CDH4: variants seen among roughly 807,000 people sequenced by gnomAD.
CDH4 encodes the protein cadherin 4.
In CDH4, 33 loss-of-function variants were observed where a neutral mutation model predicts 86.0. The observed-to-expected ratio is 0.38, with a 90% confidence interval of 0.29 to 0.51. The LOEUF is 0.51. CDH4 is among the 20% of genes least tolerant of loss of function. The probability of loss-of-function intolerance (pLI) is 0.86; values close to 1 mark genes in which losing one functional copy is unlikely to be tolerated. For synonymous variants in CDH4, 555 were observed against 549.4 expected (o/e 1.01, Z -0.14); for missense variants, 1,114 against 1,307.4 (o/e 0.85, Z 2.28).
chr20:61,553,052 C>A (rs986117115), intron 2 of CDH4, among the ~76,000 whole-genome samples: 15 of 152,186 alleles, frequency 9.9e-5, no homozygotes, highest in Non-Finnish European at 2.2e-4. Context: ...TGTCCATCAC[C>A]TGAAAAGTAG....
At chr20:61,380,989 A>G (rs1321774324) in intron 2 of CDH4, among the ~76,000 whole-genome samples, 1 of 152,248 alleles carries the variant, frequency 6.6e-6, no homozygotes, top group Non-Finnish European at 1.5e-5. Context: ...TTTGAAAACT[A>G]CAAGCTACGC....
intron 2 of CDH4, among the ~76,000 whole-genome samples, chr20:61,358,159 C>G (rs114139378): frequency 0.015 from 2,358 of 152,248 alleles, 43 homozygotes; most frequent in African/African-American, 0.042. Flanking sequence ...TGAGCAAACC[C>G]CCGGGACGTG....
intron 2 of CDH4, among the ~76,000 whole-genome samples, chr20:61,266,965 G>A (rs1285075085): frequency 6.6e-6 from 1 of 152,186 alleles, no homozygotes; most frequent in Non-Finnish European, 1.5e-5. Context: ...CTTGACAAGA[G>A]ACAGAGAAGA....
chr20:61,762,782 A>C (rs2088651439), intron 3 of CDH4, among the ~76,000 whole-genome samples: 1 of 152,316 alleles, frequency 6.6e-6, no homozygotes, highest in South Asian at 2.1e-4. Context: ...TATCAGAGAA[A>C]TCCAGTGGCA....
chr20:61,714,577 G>A (rs1306015880), intron 2 of CDH4, among the ~76,000 whole-genome samples: 1 of 152,078 alleles, frequency 6.6e-6, no homozygotes, highest in Non-Finnish European at 1.5e-5. Context: ...CCCCTCTTCT[G>A]GGTCTTCAGT....
At chr20:61,580,521 G>A (rs73138609) in intron 2 of CDH4, among the ~76,000 whole-genome samples, 8,844 of 152,096 alleles carry the variant, frequency 0.058, 528 homozygotes, top group African/African-American at 0.15. Flanking sequence ...TGACACCTTC[G>A]TAAGTCTCTG....
chr20:61,898,294 G>A (rs367715130), intron 8 of CDH4, among the ~76,000 whole-genome samples: 30 of 152,250 alleles, frequency 2.0e-4, no homozygotes, highest in East Asian at 5.8e-4. Flanking sequence ...TGCATGATCC[G>A]ATTCTGAGTC....
intron 2 of CDH4, among the ~76,000 whole-genome samples, chr20:61,657,781 T>G (rs1350916102): frequency 1.3e-5 from 2 of 152,248 alleles, no homozygotes; most frequent in Admixed American, 6.5e-5. Context: ...TGGAGCTACA[T>G]GGGATTTGTG....
chr20:61,565,289 A>G (rs147299184), intron 2 of CDH4, among the ~76,000 whole-genome samples: 2,483 of 18,256 alleles, frequency 0.14, 510 homozygotes, highest in African/African-American at 0.21. Context: ...TGATGGGGTG[A>G]TGGTGGTGGC....
intron 2 of CDH4, among the ~76,000 whole-genome samples, chr20:61,742,677 A>T (rs1269650889): frequency 1.3e-5 from 2 of 152,154 alleles, no homozygotes; most frequent in Non-Finnish European, 2.9e-5. Flanking sequence ...GTAATTTACC[A>T]CGGCTGTAGG....
intron 8 of CDH4, among the ~76,000 whole-genome samples, chr20:61,908,260 C>G (rs978802471): frequency 6.6e-6 from 1 of 152,212 alleles, no homozygotes; most frequent in East Asian, 1.9e-4. Flanking sequence ...TGACTCGGCT[C>G]CTGCCTGGGA....
At chr20:61,520,526 G>A (rs919155003) in intron 2 of CDH4, among the ~76,000 whole-genome samples, 2 of 152,218 alleles carry the variant, frequency 1.3e-5, no homozygotes, top group African/African-American at 4.8e-5. Context: ...CGCTTAGCAC[G>A]GAGTGAAGCA....
chr20:61,554,221 G>C (rs1225406384), intron 2 of CDH4, among the ~76,000 whole-genome samples: 3 of 152,208 alleles, frequency 2.0e-5, no homozygotes. Flanking sequence ...TAGGGTCAGA[G>C]CCCTGATTTC....
rs1568688586 is a variant in CDH4 at position 61,565,232 on chromosome 20, G to GTT, written c.170-178331_170-178330insTT. On this transcript the variant is annotated intron_variant, in intron 2 of 15. Transcript: ENST00000614565. The stretch of plus-strand genomic sequence containing the variant: ...GGTGCTCTCGGTGGTAGGTGGTGGT[G>GTT]GTGGTGGTGGCGGTGCTCTTGGTGA... Among the ~76,000 whole-genome samples the GTT allele has an allele frequency of 7.8e-5, 4 of 51,068 alleles. 2 individuals carry two copies. The highest frequency in any genetic ancestry group is 3.7e-4 in the African/African-American group (4 of 10,926). 33.5% of individuals were successfully genotyped at this position (51,068 alleles called of 152,430 possible).
At chr20:61,812,578 C>T (rs1156833527) in intron 4 of CDH4, among the ~76,000 whole-genome samples, 1 of 152,162 alleles carries the variant, frequency 6.6e-6, no homozygotes, top group South Asian at 2.1e-4. Context: ...GTCAAACCAT[C>T]GCAAACATAG....
intron 2 of CDH4, among the ~76,000 whole-genome samples, chr20:61,383,466 T>C: frequency 1.3e-5 from 1 of 74,874 alleles, no homozygotes; most frequent in Non-Finnish European, 2.5e-5. Context: ...TATGAAGATA[T>C]ATATGAATAT....
intron 2 of CDH4, among the ~76,000 whole-genome samples, chr20:61,660,233 T>C (rs2087238447): frequency 6.6e-6 from 1 of 152,204 alleles, no homozygotes; most frequent in Admixed American, 6.5e-5. Flanking sequence ...CGTCTTTCCT[T>C]CTTGTCTTCC....
intron 2 of CDH4, among the ~76,000 whole-genome samples, chr20:61,723,126 G>A (rs2088061289): frequency 6.6e-6 from 1 of 152,202 alleles, no homozygotes; most frequent in Non-Finnish European, 1.5e-5. Context: ...GTCTGGTCAT[G>A]TGTCCCCGAC....
At chr20:61,636,120 CT>C (rs1352530598) in intron 2 of CDH4, among the ~76,000 whole-genome samples, 4 of 152,228 alleles carry the variant, frequency 2.6e-5, no homozygotes, top group Non-Finnish European at 1.5e-5. Context: ...TTTTCCTCAT[CT>C]CACTTCCAAT....
Sources: allele counts gnomAD v4.1 joint callset (sites outside exome capture counted in the v4.1 genomes callset), GRCh38; gene constraint gnomAD v4.1.1; transcripts MANE v1.5; gene names NCBI Gene and HGNC (gene_info 2026-07-23, HGNC 2026-07-21).